The following PCDH11Y variants were observed in gnomAD, a reference collection of about 807,000 sequenced individuals.
PCDH11Y encodes protocadherin-11 Y-linked.
For missense variants in PCDH11Y, 12 were observed against 224.8 expected, an observed-to-expected ratio of 0.05 and a Z score of 6.05; for synonymous variants, 9 against 83.6, an observed-to-expected ratio of 0.11 and a Z score of 4.87.
intron 4 of PCDH11Y, among the ~76,000 whole-genome samples, chrY:5,656,451 T>C: frequency 3.1e-5 from 1 of 31,787 alleles, no homozygotes; most frequent in African/African-American, 1.2e-4. Flanking sequence ...TTTTTTTTTT[T>C]TTGCTTCATT....
At chrY:5,235,749 C>A in intron 2 of PCDH11Y, among the ~76,000 whole-genome samples, 1 of 33,291 alleles carries the variant, frequency 3.0e-5, no homozygotes, top group Non-Finnish European at 7.4e-5. Context: ...ATCTTTATGG[C>A]AGAACAATTT....
chrY:5,133,434 A>G, intron 2 of PCDH11Y, among the ~76,000 whole-genome samples: 2 of 32,145 alleles, frequency 6.2e-5, no homozygotes. Context: ...ATTATGGGCT[A>G]CATGAGATAT....
chrY:5,541,814 GC>G (rs2053407557), intron 3 of PCDH11Y, among the ~76,000 whole-genome samples: 1 of 27,262 alleles, frequency 3.7e-5, no homozygotes, highest in Non-Finnish European at 8.5e-5. Flanking sequence ...CAGTGATCAT[GC>G]TAGTATGGTT....
chrY:5,495,063 A>G, intron 2 of PCDH11Y, among the ~76,000 whole-genome samples: 1 of 32,513 alleles, frequency 3.1e-5, no homozygotes, highest in African/African-American at 1.2e-4. Flanking sequence ...AGAAAAAAAA[A>G]AAACAAAAAA....
intron 2 of PCDH11Y, among the ~76,000 whole-genome samples, chrY:5,373,863 A>G: frequency 3.1e-5 from 1 of 32,191 alleles, no homozygotes; most frequent in Non-Finnish European, 7.5e-5. Flanking sequence ...CCCTTTGTTT[A>G]GATAATTAAT....
intron 2 of PCDH11Y, among the ~76,000 whole-genome samples, chrY:5,115,523 T>A: frequency 6.5e-5 from 2 of 30,765 alleles, no homozygotes; most frequent in Non-Finnish European, 1.5e-4. Flanking sequence ...CATGAACAGA[T>A]GGAGAAACCA....
At chrY:5,291,305 A>T (rs2053067044) in intron 2 of PCDH11Y, among the ~76,000 whole-genome samples, 91 of 33,920 alleles carry the variant, frequency 2.7e-3, no homozygotes, top group Non-Finnish European at 1.4e-3. Context: ...GAATTTATTT[A>T]TCAGTTCTAA....
At chrY:5,198,040 A>C (rs2052922780) in intron 2 of PCDH11Y, among the ~76,000 whole-genome samples, 1 of 31,893 alleles carries the variant, frequency 3.1e-5, no homozygotes, top group Non-Finnish European at 7.7e-5. Context: ...ACCACACAAA[A>C]AATGATAAGT....
At chrY:5,553,387 A>C in intron 3 of PCDH11Y, among the ~76,000 whole-genome samples, 2 of 32,600 alleles carry the variant, frequency 6.1e-5, no homozygotes, top group Admixed American at 5.7e-4. Flanking sequence ...GGTACAAATG[A>C]CCCAGGTCCT....
intron 3 of PCDH11Y, among the ~76,000 whole-genome samples, chrY:5,552,700 C>G: frequency 3.0e-5 from 1 of 33,098 alleles, no homozygotes; most frequent in Non-Finnish European, 7.4e-5. Context: ...TAAATCAAAA[C>G]TTGCTAAAAG....
At chrY:5,317,638 A>C (rs2053108661) in intron 2 of PCDH11Y, among the ~76,000 whole-genome samples, 1 of 31,768 alleles carries the variant, frequency 3.1e-5, no homozygotes, top group East Asian at 8.4e-4. Context: ...TGCCTGCTTC[A>C]CCTTCTGCCA....
chrY:5,711,495 T>A (rs2053586467), intron 4 of PCDH11Y, among the ~76,000 whole-genome samples: 30 of 32,033 alleles, frequency 9.4e-4, no homozygotes, highest in African/African-American at 3.3e-3. Flanking sequence ...TTACCTTTAG[T>A]AAAAAAGATT....
intron 2 of PCDH11Y, among the ~76,000 whole-genome samples, chrY:5,388,399 C>G: frequency 6.1e-4 from 20 of 32,813 alleles, no homozygotes. Flanking sequence ...TGACTCAGTT[C>G]TAGATGAGGT....
chrY:5,637,552 CTA>C (rs2053519288), intron 4 of PCDH11Y, among the ~76,000 whole-genome samples: 1 of 33,327 alleles, frequency 3.0e-5, no homozygotes, highest in Non-Finnish European at 7.4e-5. Flanking sequence ...AATCACAAAA[CTA>C]TGTGTGTGTG....
chrY:5,385,559 G>T (rs2053213066), intron 2 of PCDH11Y, among the ~76,000 whole-genome samples: 1 of 32,568 alleles, frequency 3.1e-5, no homozygotes, highest in South Asian at 6.8e-4. Context: ...GGGCATTTGG[G>T]CTGGTTCCAT....
intron 4 of PCDH11Y, among the ~76,000 whole-genome samples, chrY:5,674,145 G>A: frequency 6.1e-5 from 2 of 32,885 alleles, no homozygotes; most frequent in Admixed American, 5.6e-4. Flanking sequence ...GCCCTCCAAA[G>A]CCTCTCAGTT....
chrY:5,314,363 G>T, intron 2 of PCDH11Y, among the ~76,000 whole-genome samples: 2 of 28,136 alleles, frequency 7.1e-5, no homozygotes, highest in South Asian at 1.7e-3. Context: ...TGGTCAGGCT[G>T]GTCTCAAACT....
At chrY:5,520,048 A>C in intron 3 of PCDH11Y, among the ~76,000 whole-genome samples, 1 of 24,724 alleles carries the variant, frequency 4.0e-5, no homozygotes, top group Admixed American at 3.9e-4. Context: ...ACCGGTCTAC[A>C]AAAAAAAAAA....
downstream of PCDH11Y, among the ~76,000 whole-genome samples, chrY:5,109,531 C>A (rs2052800997): frequency 2.2e-3 from 70 of 32,364 alleles, no homozygotes; most frequent in Non-Finnish European, 5.3e-4. Context: ...ACATCCAGGA[C>A]TTTTTACATG....
Sources: allele counts gnomAD v4.1 joint callset (sites outside exome capture counted in the v4.1 genomes callset), GRCh38; gene constraint gnomAD v4.1.1; transcripts MANE v1.5; gene names NCBI Gene and HGNC (gene_info 2026-07-23, HGNC 2026-07-21).